The following NAALADL2 variants were observed in gnomAD, a reference collection of about 807,000 sequenced individuals.
NAALADL2 encodes the protein inactive N-acetylated-alpha-linked acidic dipeptidase-like protein 2.
NAALADL2 carries 76 observed loss-of-function variants against 87.2 expected under a neutral mutation model. The observed-to-expected ratio is 0.87, with a 90% CI of 0.72 to 1.05. The LOEUF (loss-of-function observed/expected upper bound fraction) is 1.05. Ranked by LOEUF, NAALADL2 falls within the 50% of genes least tolerant of loss-of-function variation. NAALADL2 has a pLI of 0.00. For synonymous variants in NAALADL2, 354 were observed against 331.0 expected (o/e 1.07, Z -0.75); for missense variants, 1,089 against 945.8 (o/e 1.15, Z -1.99).
At chr3:174,972,064 A>G (rs1379801661) in intron 1 of NAALADL2, among the ~76,000 whole-genome samples, 1 of 151,962 alleles carries the variant, frequency 6.6e-6, no homozygotes, top group African/African-American at 2.4e-5. Context: ...CTGCCCATGA[A>G]CACCCTACCT....
At chr3:175,718,560 G>A in intron 11 of NAALADL2, 2 of 1,592,452 alleles carry the variant, frequency 1.3e-6, no homozygotes, top group Non-Finnish European at 1.7e-6. Context: ...TCATCTTCTA[G>A]ATCCCAGCTA....
intron 4 of NAALADL2, among the ~76,000 whole-genome samples, chr3:175,277,208 T>C (rs1209737340): frequency 6.6e-6 from 1 of 152,210 alleles, no homozygotes; most frequent in Non-Finnish European, 1.5e-5. Context: ...TCTGGCTATG[T>C]TATGATACTA....
chr3:175,539,503 A>AT (rs1033847922), intron 9 of NAALADL2, among the ~76,000 whole-genome samples: 9 of 151,334 alleles, frequency 5.9e-5, no homozygotes, highest in East Asian at 3.9e-4. Context: ...TTTATTTTAA[A>AT]TTTTTTTTTA....
intron 11 of NAALADL2, among the ~76,000 whole-genome samples, chr3:175,715,603 T>C (rs1383587962): frequency 6.6e-6 from 1 of 152,092 alleles, no homozygotes; most frequent in Non-Finnish European, 1.5e-5. Flanking sequence ...AGGCTGGGCA[T>C]GGTGGCTCAC....
intron 2 of NAALADL2, among the ~76,000 whole-genome samples, chr3:174,731,100 T>G (rs776667167): frequency 2.0e-5 from 3 of 152,080 alleles, no homozygotes; most frequent in Non-Finnish European, 2.9e-5. Flanking sequence ...TCATGGAAAG[T>G]GCTACCCACA....
At chr3:174,976,707 T>G (rs1051554041) in intron 1 of NAALADL2, among the ~76,000 whole-genome samples, 1 of 152,238 alleles carries the variant, frequency 6.6e-6, no homozygotes, top group Non-Finnish European at 1.5e-5. Context: ...TCAAACAGCA[T>G]GTCAGGAGAA....
At chr3:174,728,771 G>C (rs931466172) in intron 2 of NAALADL2, among the ~76,000 whole-genome samples, 3 of 152,004 alleles carry the variant, frequency 2.0e-5, no homozygotes, top group Non-Finnish European at 4.4e-5. Flanking sequence ...TTACATTTAT[G>C]ATCTTTTTAA....
chr3:175,027,130 A>C (rs1161113065), intron 1 of NAALADL2, among the ~76,000 whole-genome samples: 4 of 152,086 alleles, frequency 2.6e-5, no homozygotes, highest in African/African-American at 9.7e-5. Flanking sequence ...TTTACCCTAC[A>C]CACGTATACA....
chr3:175,138,847 A>G (rs2108702364), intron 2 of NAALADL2, among the ~76,000 whole-genome samples: 1 of 144,396 alleles, frequency 6.9e-6, no homozygotes, highest in South Asian at 2.2e-4. Flanking sequence ...GGGCAGATGA[A>G]TTGCACTAAA....
intron 5 of NAALADL2, among the ~76,000 whole-genome samples, chr3:175,331,291 C>G (rs1038166451): frequency 6.6e-5 from 10 of 152,136 alleles, no homozygotes; most frequent in Non-Finnish European, 7.3e-5. Flanking sequence ...TTCTTCATAT[C>G]TCATTCTATC....
intron 1 of NAALADL2, among the ~76,000 whole-genome samples, chr3:174,985,935 A>G (rs1745801787): frequency 6.6e-6 from 1 of 151,990 alleles, no homozygotes; most frequent in African/African-American, 2.4e-5. Context: ...CTGGGCAACG[A>G]GAGCGAAACT....
At chr3:174,441,325 C>G (rs888796800) in intron 1 of NAALADL2, among the ~76,000 whole-genome samples, 1 of 152,178 alleles carries the variant, frequency 6.6e-6, no homozygotes, top group Non-Finnish European at 1.5e-5. Context: ...AGCTCCCAAC[C>G]CGCTCCAAGG....
chr3:174,539,592 C>T (rs918187591), intron 1 of NAALADL2, among the ~76,000 whole-genome samples: 2 of 152,100 alleles, frequency 1.3e-5, no homozygotes. Context: ...ACCTTACTGA[C>T]AGATTTGTCC....
intron 3 of NAALADL2, among the ~76,000 whole-genome samples, chr3:174,750,479 G>A (rs1667584526): frequency 1.3e-5 from 2 of 151,844 alleles, no homozygotes; most frequent in Admixed American, 1.3e-4. Context: ...TGCCCAGGCT[G>A]GCATGCAGTA....
intron 1 of NAALADL2, among the ~76,000 whole-genome samples, chr3:175,014,653 T>G (rs1379027729): frequency 5.3e-5 from 8 of 152,148 alleles, no homozygotes; most frequent in Admixed American, 5.2e-4. Context: ...GAATATAATA[T>G]TCACCTGAAA....
chr3:174,705,726 T>C (rs1454718765), intron 2 of NAALADL2, among the ~76,000 whole-genome samples: 1 of 142,688 alleles, frequency 7.0e-6, no homozygotes, highest in African/African-American at 2.7e-5. Flanking sequence ...GAGCTTGCAG[T>C]GAGCCGAGAT....
intron 11 of NAALADL2, among the ~76,000 whole-genome samples, chr3:175,640,393 T>G (rs1729124546): frequency 6.6e-6 from 1 of 152,182 alleles, no homozygotes; most frequent in Admixed American, 6.5e-5. Flanking sequence ...ATGTTACAAA[T>G]TCAAATGAGG....
chr3:174,863,604 G>A (rs1036688399), intron 1 of NAALADL2, among the ~76,000 whole-genome samples: 2 of 151,936 alleles, frequency 1.3e-5, no homozygotes, highest in Non-Finnish European at 2.9e-5. Context: ...CTAGGCAGGA[G>A]GAGCCTTAGT....
chr3:175,314,458 TGTA>T (rs916136563), intron 4 of NAALADL2, among the ~76,000 whole-genome samples: 8 of 150,026 alleles, frequency 5.3e-5, no homozygotes, highest in African/African-American at 1.7e-4. Context: ...TTTTTAATTA[TGTA>T]TTTTTACAGA....
Sources: allele counts gnomAD v4.1 joint callset (sites outside exome capture counted in the v4.1 genomes callset), GRCh38; gene constraint gnomAD v4.1.1; transcripts MANE v1.5; gene names NCBI Gene and HGNC (gene_info 2026-07-23, HGNC 2026-07-21).